CTIF: variants seen among roughly 807,000 people sequenced by gnomAD.
CTIF encodes cap binding complex dependent translation initiation factor.
CTIF carries 21 observed loss-of-function variants against 66.0 expected under a neutral mutation model. That is an observed-to-expected ratio of 0.32 (90% CI 0.23 to 0.46). CTIF has a LOEUF of 0.46. Among genes scored for constraint, CTIF ranks in the 20% least tolerant of loss-of-function variants. The pLI, the probability that CTIF is intolerant of heterozygous loss-of-function variation, is 1.00. For synonymous variants in CTIF, 345 were observed against 326.4 expected (o/e 1.06, Z -0.62); for missense variants, 739 against 812.7 (o/e 0.91, Z 1.10).
chr18:48,805,799 T>C (rs2146254690), intron 9 of CTIF, among the ~76,000 whole-genome samples: 2 of 152,294 alleles, frequency 1.3e-5, no homozygotes, highest in Middle Eastern at 6.8e-3. Flanking sequence ...TCTGTACTCT[T>C]ATGTCTTAGA....
At chr18:48,810,776 C>T (rs1396554301) in intron 9 of CTIF, among the ~76,000 whole-genome samples, 1 of 150,614 alleles carries the variant, frequency 6.6e-6, no homozygotes, top group East Asian at 1.9e-4. Context: ...ACTATAAAGT[C>T]TATAACATTT....
In CTIF at chr18:48,700,492, C is replaced by T. The variant is rs554327947; in HGVS notation, c.508-11127C>T. On this transcript the variant is annotated intron_variant, in intron 6 of 11. Coordinates refer to ENST00000256413, the MANE Select transcript of CTIF (RefSeq NM_014772.3). Reference sequence around the variant, plus strand: ...CCTTGGAGGCTTCCCCCCGGCACAGCGGGGTACACCTCAGAATCTTAGCAT... The same window carrying T: ...CCTTGGAGGCTTCCCCCCGGCACAGTGGGGTACACCTCAGAATCTTAGCAT... Among the ~76,000 whole-genome samples the T allele has an allele frequency of 4.6e-5, 7 of 152,338 alleles. No homozygotes were observed. In the East Asian group the frequency reaches 1.2e-3, roughly 25 times the overall value.
chr18:48,814,789 G>T (rs1327368783), intron 9 of CTIF, among the ~76,000 whole-genome samples: 1 of 152,234 alleles, frequency 6.6e-6, no homozygotes, highest in African/African-American at 2.4e-5. Flanking sequence ...AAGAGACAAA[G>T]CTGTCAAAGA....
intron 1 of CTIF, among the ~76,000 whole-genome samples, chr18:48,556,652 C>T (rs1003655155): frequency 2.0e-5 from 3 of 152,158 alleles, no homozygotes; most frequent in Non-Finnish European, 4.4e-5. Flanking sequence ...GCAACCTCTT[C>T]GTCCCAGGTT....
At chr18:48,835,645 G>C (rs1183021626) in intron 10 of CTIF, among the ~76,000 whole-genome samples, 1 of 152,204 alleles carries the variant, frequency 6.6e-6, no homozygotes, top group Non-Finnish European at 1.5e-5. Flanking sequence ...TCCTGGATTT[G>C]AGAATCAGCT....
Position 48,640,860 on chromosome 18 carries a change from G to T in CTIF, c.252+4175G>T, listed in dbSNP as rs77235000. On this transcript the variant is annotated intron_variant, in intron 3 of 11. Transcript: ENST00000256413. ...TAGCTAATGTCAAAAAGAAAACCTT[G>T]CTTTTTCTGAACCCTTTCAGAGGCA... Among the ~76,000 whole-genome samples, 40 of 152,326 alleles carry T rather than the reference G, an allele frequency of 2.6e-4. 1 individual carries two copies. In the East Asian group the frequency reaches 7.7e-3, roughly 29 times the overall value.
At chr18:48,767,899 A>T (rs1531780) in intron 9 of CTIF, among the ~76,000 whole-genome samples, 1 of 151,904 alleles carries the variant, frequency 6.6e-6, no homozygotes, top group African/African-American at 2.4e-5. Flanking sequence ...TGACTTTAGC[A>T]CAGAAGGGGC....
At chr18:48,719,496 G>A (rs1339710632) in intron 7 of CTIF, among the ~76,000 whole-genome samples, 3 of 152,144 alleles carry the variant, frequency 2.0e-5, no homozygotes, top group Non-Finnish European at 2.9e-5. Flanking sequence ...TCTTTTGGAA[G>A]TGCAGTCCAT....
intron 7 of CTIF, among the ~76,000 whole-genome samples, chr18:48,730,541 AGGGGCTTCTGCTGTGTGAGGGGCTTCTGC>A: frequency 9.3e-5 from 5 of 53,796 alleles, no homozygotes; most frequent in Non-Finnish European, 1.5e-4. Flanking sequence ...CTGTGGTGTG[AGGGGCTTCTGCTGTGTGAGGGGCTTCTGC>A]GGTGTGAGGG....
chr18:48,819,619 C>T (rs1421732465), intron 10 of CTIF, among the ~76,000 whole-genome samples: 4 of 152,216 alleles, frequency 2.6e-5, no homozygotes, highest in African/African-American at 9.6e-5. Flanking sequence ...CAAAGAGCCA[C>T]GCCTAACGCA....
At chr18:48,667,008 T>A (rs1326432547) in intron 5 of CTIF, among the ~76,000 whole-genome samples, 1 of 151,886 alleles carries the variant, frequency 6.6e-6, no homozygotes. Flanking sequence ...GATTTTGCTT[T>A]TCTCAAGTTC....
chr18:48,625,727 T>C (rs904930549), intron 2 of CTIF, among the ~76,000 whole-genome samples: 1 of 152,214 alleles, frequency 6.6e-6, no homozygotes, highest in Non-Finnish European at 1.5e-5. Flanking sequence ...CAGTTGTCCA[T>C]AGCATGGATT....
chr18:48,606,026 G>C (rs1106685), intron 1 of CTIF, among the ~76,000 whole-genome samples: 58,052 of 152,038 alleles, frequency 0.38, 12,590 homozygotes, highest in African/African-American at 0.59. Flanking sequence ...TGGCCAAGAG[G>C]TCTTGTCTCT....
intron 9 of CTIF, among the ~76,000 whole-genome samples, chr18:48,810,167 T>G (rs1271927510): frequency 6.6e-6 from 1 of 152,150 alleles, no homozygotes; most frequent in Non-Finnish European, 1.5e-5. Flanking sequence ...ATACTAAGCC[T>G]TTGAAAAGTA....
At chr18:48,594,943 C>T (rs2089962743) in intron 1 of CTIF, among the ~76,000 whole-genome samples, 1 of 152,148 alleles carries the variant, frequency 6.6e-6, no homozygotes, top group Admixed American at 6.5e-5. Flanking sequence ...GCTGTCAGGG[C>T]CTGCTGGGCC....
At chr18:48,590,081 C>T (rs978775236) in intron 1 of CTIF, among the ~76,000 whole-genome samples, 1 of 152,170 alleles carries the variant, frequency 6.6e-6, no homozygotes, top group Non-Finnish European at 1.5e-5. Flanking sequence ...CTGGCCTTTG[C>T]CCATGTGCAG....
intron 10 of CTIF, among the ~76,000 whole-genome samples, chr18:48,833,265 G>C (rs1034842870): frequency 6.6e-6 from 1 of 152,220 alleles, no homozygotes; most frequent in Non-Finnish European, 1.5e-5. Flanking sequence ...GTTGAGACTT[G>C]CTTGGCTAAC....
intron 5 of CTIF, among the ~76,000 whole-genome samples, chr18:48,666,686 C>T (rs139249757): frequency 7.4e-4 from 113 of 152,264 alleles, no homozygotes; most frequent in Middle Eastern, 6.8e-3. Flanking sequence ...GATGGCTTTG[C>T]GCATGGAGGC....
chr18:48,555,138 G>A (rs1285986498), intron 1 of CTIF, among the ~76,000 whole-genome samples: 4 of 151,006 alleles, frequency 2.6e-5, no homozygotes, highest in East Asian at 1.9e-4. Flanking sequence ...TACGGTGTTC[G>A]AGGTGTGACC....
Sources: allele counts gnomAD v4.1 joint callset (sites outside exome capture counted in the v4.1 genomes callset), GRCh38; gene constraint gnomAD v4.1.1; transcripts MANE v1.5; gene names NCBI Gene and HGNC (gene_info 2026-07-23, HGNC 2026-07-21).